ATP2C2: variants seen among roughly 807,000 people sequenced by gnomAD.
ATP2C2 encodes the protein ATPase secretory pathway Ca2+ transporting 2, also known as calcium-transporting ATPase type 2C member 2.
In ATP2C2, 171 loss-of-function variants were observed where a neutral mutation model predicts 110.8. The observed-to-expected ratio is 1.54, with a 90% CI of 1.36 to 1.75. The LOEUF is 1.75. Ranked by LOEUF, ATP2C2 falls within the 40% of genes most tolerant of loss-of-function variation. The pLI, the probability that ATP2C2 is intolerant of heterozygous loss-of-function variation, is 0.00. For synonymous variants in ATP2C2, 804 were observed against 508.4 expected (o/e 1.58, Z -7.82); for missense variants, 1,963 against 1,235.0 (o/e 1.59, Z -8.84).
intron 17 of ATP2C2, among the ~76,000 whole-genome samples, chr16:84,450,032 C>A (rs562922620): frequency 3.3e-4 from 50 of 152,370 alleles, no homozygotes; most frequent in African/African-American, 1.1e-3. Flanking sequence ...CGCCTTCGCC[C>A]GGATGTCTGC....
At chr16:84,441,009 T>C in intron 14 of ATP2C2, 51 bp downstream of exon 14, 1 of 1,413,042 alleles carries the variant, frequency 7.1e-7, no homozygotes, top group Non-Finnish European at 9.9e-7. Context: ...TTGAGGCTTC[T>C]GGGGCTCCTC....
At chr16:84,420,129 C>G (rs1907197288) in intron 7 of ATP2C2, among the ~76,000 whole-genome samples, 1 of 152,170 alleles carries the variant, frequency 6.6e-6, no homozygotes, top group East Asian at 1.9e-4. Context: ...GTCCCTCCTC[C>G]CAGGCCTTTC....
chr16:84,448,670 G>C lies in ATP2C2; in HGVS notation c.1641G>C (p.Met547Ile). The C allele has an allele frequency of 6.2e-7, 1 of 1,613,172 alleles. No individual in the cohort carries two copies. The highest frequency in any genetic ancestry group is 1.3e-5 in the African/African-American group (1 of 75,032). ...TCTGCCTGCAGGAAGAGAAGAGGAT[G>C]GGGTCGCTCGGTTTGCGGGGTCAGT... is the stretch of plus-strand genomic sequence containing the variant. ...RSFCLQEEKR[M>I]GSLGLRVLAL... The change falls in exon 17 of 27, where the codon ATG (methionine) becomes ATC (isoleucine). Residue 547 changes from methionine to isoleucine, a missense_variant. Transcript: ENST00000262429.
At chr16:84,436,055 G>T (rs1315468450) in intron 11 of ATP2C2, among the ~76,000 whole-genome samples, 2 of 152,220 alleles carry the variant, frequency 1.3e-5, no homozygotes, top group East Asian at 1.9e-4. Context: ...CATGAAGCTG[G>T]GGGGTGGATG....
chr16:84,461,858 C>A, intron 25 of ATP2C2, 46 bp downstream of exon 25: 1 of 1,606,934 alleles, frequency 6.2e-7, no homozygotes, highest in South Asian at 1.1e-5. Flanking sequence ...GCTGTGTGTT[C>A]TCGACAGCAG....
chr16:84,461,496 C>T, intron 24 of ATP2C2: 1 of 613,052 alleles, frequency 1.6e-6, no homozygotes, highest in Non-Finnish European at 2.9e-6. Context: ...GGTGCCCTGC[C>T]CCCATCCTCA....
chr16:84,459,652 C>A, intron 23 of ATP2C2: 1 of 1,395,240 alleles, frequency 7.2e-7, no homozygotes, highest in Non-Finnish European at 9.8e-7. Flanking sequence ...ACCTGCATGG[C>A]TCATTCTCAT....
chr16:84,453,359 C>T lies in ATP2C2; in HGVS notation c.1968C>T (p.Leu656=), dbSNP rs760434833. 2 of 1,614,172 alleles carry T rather than the reference C, an allele frequency of 1.2e-6. No homozygotes were observed. Among genetic ancestry groups the T allele is most frequent in the Non-Finnish European group, 1.7e-6 (2 of 1,180,026 alleles). The change falls in exon 20 of 27, where the codon CTC becomes CTT. Residue 656 remains leucine (L), a synonymous_variant. Transcript: ENST00000262429. ...TCAGGACCAGCCCAAAGCACAAGCT[C>T]AAAATCATCAAGGTTCGCTGGGCAA... ...VFFRTSPKHK[L]KIIKALQESG...
intron 15 of ATP2C2, among the ~76,000 whole-genome samples, chr16:84,444,947 T>G (rs1909607888): frequency 6.6e-6 from 1 of 152,194 alleles, no homozygotes; most frequent in Non-Finnish European, 1.5e-5. Context: ...TTATTGCTCC[T>G]GGATTAGGGT....
chr16:84,394,243 A>G (rs1179677156), intron 1 of ATP2C2, among the ~76,000 whole-genome samples: 3 of 152,046 alleles, frequency 2.0e-5, no homozygotes, highest in Non-Finnish European at 4.4e-5. Context: ...AAAATCAACC[A>G]TCTCACAGTA....
At chr16:84,411,591 A>G (rs1011738535) in intron 6 of ATP2C2, among the ~76,000 whole-genome samples, 2 of 151,994 alleles carry the variant, frequency 1.3e-5, no homozygotes, top group Non-Finnish European at 2.9e-5. Context: ...ACAGGCATGC[A>G]CCACTACACC....
At chr16:84,459,884 C>G (rs114936907) in intron 23 of ATP2C2, 3 of 347,198 alleles carry the variant, frequency 8.6e-6, no homozygotes, top group East Asian at 1.2e-4. Flanking sequence ...GGGCTTGCCA[C>G]TCAGTAGGTG....
chr16:84,374,236 C>T (rs1001973569), intron 1 of ATP2C2, among the ~76,000 whole-genome samples: 2 of 152,148 alleles, frequency 1.3e-5, no homozygotes, highest in African/African-American at 2.4e-5. Flanking sequence ...CTTTTCTCAC[C>T]GAATCCACAA....
intron 18 of ATP2C2, among the ~76,000 whole-genome samples, chr16:84,452,608 C>T (rs1597868185): frequency 6.7e-6 from 1 of 149,792 alleles, no homozygotes; most frequent in East Asian, 2.0e-4. Flanking sequence ...AAGCAATTCT[C>T]CTGCCTCAGC....
intron 16 of ATP2C2, 144 bp from the exon 17 acceptor site, chr16:84,448,389 T>A (rs247891): frequency 1.9e-6 from 2 of 1,046,480 alleles, no homozygotes; most frequent in Non-Finnish European, 1.3e-6. Context: ...GTCCAGCACC[T>A]GTGAACAGCA....
intron 1 of ATP2C2, among the ~76,000 whole-genome samples, chr16:84,374,319 C>G (rs1211204968): frequency 6.6e-6 from 1 of 152,184 alleles, no homozygotes; most frequent in Admixed American, 6.5e-5. Context: ...CAGTGTGTGT[C>G]AGCCTTCACT....
Position 84,408,453 on chromosome 16 carries a change from G to A in ATP2C2, c.376G>A (p.Val126Ile), listed in dbSNP as rs1391701112. ...GCTGCTGGGCTCTGCCCTGGTGAGT[G>A]TCCTCACCAAGGAGTATGAGGACGC... ...LLLLGSALVS[V>I]LTKEYEDAVS... Residue 126 changes from valine to isoleucine, a missense_variant, in exon 4 of 27, where the codon GTC (valine) becomes ATC (isoleucine). Transcript: ENST00000262429. The A allele has an allele frequency of 6.2e-7, 1 of 1,613,754 alleles. No homozygotes were observed. Among genetic ancestry groups the A allele is most frequent in the Non-Finnish European group, 8.5e-7 (1 of 1,179,988 alleles).
rs549349614 is a variant in ATP2C2, at chr16:84,422,122, C to T, written c.625-268C>T. Reference sequence around the variant, plus strand: ...TTTGAAAGGTATATCCTAAAATAGCCATCACCTTCATTTTTTTTTTAGATT... The same window carrying T: ...TTTGAAAGGTATATCCTAAAATAGCTATCACCTTCATTTTTTTTTTAGATT... On this transcript the variant is annotated intron_variant, in intron 7 of 26. Transcript: ENST00000262429. Among the ~76,000 whole-genome samples the T allele has an allele frequency of 2.0e-5, 3 of 152,134 alleles. No homozygotes were observed. The South Asian group carries it at 6.2e-4, about 32-fold the overall frequency.
chr16:84,387,834 C>G (rs559800301), intron 1 of ATP2C2, among the ~76,000 whole-genome samples: 56 of 152,184 alleles, frequency 3.7e-4, no homozygotes, highest in Middle Eastern at 3.4e-3. Flanking sequence ...TGCCTGTAAT[C>G]CCAGCACTTT....
Sources: allele counts gnomAD v4.1 joint callset (sites outside exome capture counted in the v4.1 genomes callset), GRCh38; gene constraint gnomAD v4.1.1; transcripts MANE v1.5; gene names NCBI Gene and HGNC (gene_info 2026-07-23, HGNC 2026-07-21).